Variants in NOX5 observed in about 807,000 individuals in gnomAD.
NOX5 encodes the protein NADPH oxidase, EF-hand calcium binding domain 5.
A neutral mutation model predicts 85.7 loss-of-function variants in NOX5; 76 were observed. That is an observed-to-expected ratio of 0.89 (90% CI 0.74 to 1.07). The LOEUF is 1.07. NOX5 is among the 50% of genes least tolerant of loss of function. NOX5 has a pLI of 0.00. For missense variants in NOX5, 973 were observed against 999.5 expected (o/e 0.97, Z 0.36); for synonymous variants, 405 against 401.4 (o/e 1.01, Z -0.11).
chr15:69,037,179 G>A lies in NOX5; in HGVS notation c.1340G>A (p.Cys447Tyr). 6.2e-7 allele frequency: 1 copy of A among 1,613,822 alleles called. No individual in the cohort carries two copies. Among genetic ancestry groups the A allele is most frequent in the Non-Finnish European group, 8.5e-7 (1 of 1,180,008 alleles). The change falls in exon 8 of 16, where the codon TGC becomes TAC. Residue 447 changes from cysteine (C) to tyrosine (Y), a missense_variant. Cys to Tyr is a radical substitution (Grantham distance 194, BLOSUM62 -2). Coordinates refer to ENST00000388866, the MANE Select transcript of NOX5 (RefSeq NM_024505.4). ...GLAVSRMAAVCIMEVNLLPSK... is the reference protein window; with the variant it reads ...GLAVSRMAAVYIMEVNLLPSK... ...GCAGTGTCCCGCATGGCAGCCGTGT[G>A]CATCATGGAAGTCAACCTCCTCCCC...
At position 69,033,244 on chromosome 15, in the gene NOX5, C is replaced by T; in HGVS notation, c.822C>T (p.Gly274=). The stretch of plus-strand genomic sequence containing the variant: ...GCGTCATGGTGGCCAAGGGCTGCGG[C>T]CAGTGCCTCAACTTCGACTGCAGCT... The part of the protein sequence containing the change: ...GASVMVAKGC[G]QCLNFDCSFI... The change falls in exon 5 of 16, where the codon GGC becomes GGT. Residue 274 remains glycine (G), a synonymous_variant. Transcript: ENST00000388866. 1.3e-6 allele frequency: 2 copies of T among 1,596,552 alleles called. No individual in the cohort carries two copies. Among genetic ancestry groups the T allele is most frequent in the Non-Finnish European group, 1.7e-6 (2 of 1,178,944 alleles).
chr15:69,018,152 A>G (rs2050253497), intron 1 of NOX5, among the ~76,000 whole-genome samples: 1 of 151,956 alleles, frequency 6.6e-6, no homozygotes, highest in African/African-American at 2.4e-5. Flanking sequence ...CAGGCATCCT[A>G]GGGAAACTCC....
rs1595779323 is a variant in NOX5 at position 69,035,943 on chromosome 15, C to T, written c.1188+7C>T. 1.9e-6 allele frequency: 3 copies of T among 1,613,656 alleles called. No homozygotes were observed. Among genetic ancestry groups the T allele is most frequent in the Non-Finnish European group, 2.5e-6 (3 of 1,179,718 alleles). On this transcript the variant is annotated splice_region_variant and intron_variant, in intron 7 of 15. Transcript: ENST00000388866. The stretch of plus-strand genomic sequence containing the variant: ...CAGGAGTGGCCACTTTGAGGTGCCC[C>T]AGTTGCTGCCCTTTTGCTTCCCCCA...
At chr15:69,051,980 A>G (rs1159007687) in intron 14 of NOX5, among the ~76,000 whole-genome samples, 4 of 152,100 alleles carry the variant, frequency 2.6e-5, no homozygotes, top group Admixed American at 2.6e-4. Flanking sequence ...TTGGGAGGCC[A>G]AGGTAGGAAT....
chr15:69,033,547 T>C (rs1481413601), intron 5 of NOX5, among the ~76,000 whole-genome samples: 4 of 152,090 alleles, frequency 2.6e-5, no homozygotes, highest in Admixed American at 6.5e-5. Context: ...CATTTGATCT[T>C]CACAACTCCC....
Position 69,038,885 on chromosome 15 carries a change from C to T in NOX5, c.1400C>T (p.Pro467Leu). The T allele has an allele frequency of 6.2e-7, 1 of 1,614,136 alleles. No homozygotes were observed. Among genetic ancestry groups the T allele is most frequent in the Non-Finnish European group, 8.5e-7 (1 of 1,180,020 alleles). Residue 467 changes from proline to leucine, a missense_variant, in exon 9 of 16, where the codon CCT (proline) becomes CTT (leucine). By Grantham distance (98) the Pro-to-Leu change is moderately conservative. Transcript: ENST00000388866. Reference protein sequence around the residue: ...KVTHLLIKRPPFFHYRPGDYL... With the variant: ...KVTHLLIKRPLFFHYRPGDYL... The stretch of plus-strand genomic sequence containing the variant: ...ACTCATCTCCTCATCAAGCGGCCCC[C>T]TTTTTTTCACTATAGACCTGGTGAC...
intron 1 of NOX5, 104 bp downstream of exon 1, chr15:69,014,889 G>T (rs959272317): frequency 1.2e-6 from 1 of 852,844 alleles, no homozygotes; most frequent in Non-Finnish European, 1.9e-6. Flanking sequence ...GCCTTGGGCA[G>T]AAATCAGAAG....
chr15:69,055,489 G>T lies in NOX5; in HGVS notation c.2155G>T (p.Asp719Tyr). 1 of 1,613,922 alleles carries T rather than the reference G, an allele frequency of 6.2e-7. No homozygotes were observed. Among genetic ancestry groups the T allele is most frequent in the South Asian group, 1.1e-5 (1 of 91,036 alleles). ...LQTRTQPGRP[D>Y]WSKVFQKVAA... Reference sequence around the variant, plus strand: ...GACGCGCACCCAGCCTGGGCGGCCTGACTGGAGCAAGGTAATGCCAACTGG... The same window carrying T: ...GACGCGCACCCAGCCTGGGCGGCCTTACTGGAGCAAGGTAATGCCAACTGG... The change falls in exon 15 of 16, where the codon GAC becomes TAC. Residue 719 changes from aspartate (D) to tyrosine (Y), a missense_variant. Transcript: ENST00000388866.
chr15:69,028,689 C>G (rs2050391553), intron 3 of NOX5: 1 of 195,724 alleles, frequency 5.1e-6, no homozygotes, highest in African/African-American at 2.3e-5. Flanking sequence ...AAGAAAATCT[C>G]TGTTGTTTTT....
chr15:69,057,157 A>G lies in NOX5; in HGVS notation c.*461A>G, dbSNP rs540900922. 2 of 157,790 alleles carry G rather than the reference A, an allele frequency of 1.3e-5. No homozygotes were observed. The highest frequency in any genetic ancestry group is 2.8e-5 in the Non-Finnish European group (2 of 70,980). The allele number at this position is 157,790 out of a possible 1,614,324, so 9.8% of individuals were successfully genotyped here. ...GAAGAATCATACAGTGAACAGTGTT[A>G]CCTACTTTCTAGACTCCTCAGTTAA... is the stretch of plus-strand genomic sequence containing the variant. On this transcript the variant is annotated 3_prime_UTR_variant, in exon 16 of 16. Transcript: ENST00000388866.
At chr15:69,055,281 C>G in intron 14 of NOX5, 53 bp from the exon 15 acceptor site, 1 of 1,572,722 alleles carries the variant, frequency 6.4e-7, no homozygotes, top group Non-Finnish European at 8.7e-7. Flanking sequence ...TCCTGCCCTG[C>G]GCCCATGATG....
chr15:69,043,841 A>G lies in NOX5; in HGVS notation c.1647+1036A>G, dbSNP rs1031022755. On this transcript the variant is annotated intron_variant, in intron 10 of 15. Transcript: ENST00000388866. ...CCTGGCCATATGTGTCAGCATTTTA[A>G]ATATGTATACCTACACACCCAGCAA... Among the ~76,000 whole-genome samples the G allele has an allele frequency of 3.2e-4, 49 of 152,200 alleles. 1 individual carries two copies. Among genetic ancestry groups the G allele is most frequent in the African/African-American group, 1.1e-3 (47 of 41,444 alleles).
chr15:69,025,480 T>G (rs2050346080), intron 1 of NOX5, among the ~76,000 whole-genome samples: 1 of 152,204 alleles, frequency 6.6e-6, no homozygotes, highest in Admixed American at 6.5e-5. Context: ...ATCGTCGCCT[T>G]GCTCAGCCTC....
In NOX5 at chr15:69,059,063, C is replaced by T. The variant is rs1015948411; in HGVS notation, c.*2367C>T. 4 of 152,246 alleles carry T rather than the reference C, an allele frequency of 2.6e-5. No individual in the cohort carries two copies. Among genetic ancestry groups the T allele is most frequent in the Admixed American group, 1.3e-4 (2 of 15,280 alleles). The allele number at this position is 152,246 out of a possible 1,614,324, so 9.4% of individuals were successfully genotyped here. ...CCCTGCCCTCAGTCCTTTGCCCTCT[C>T]GTAACAGATTTCCACCAGGCTCCCA... On this transcript the variant is annotated 3_prime_UTR_variant, in exon 16 of 16. Transcript: ENST00000388866.
rs955274600 is a variant in NOX5 at position 69,056,600 on chromosome 15, G to C, written c.2202G>C (p.Lys734Asn). ...AAGTGGCTGCTGAGAAGAAGGGCAA[G>C]GTGCAGGTCTTCTTCTGTGGCTCCC... ...FQKVAAEKKG[K>N]VQVFFCGSPA... The change falls in exon 16 of 16, where the codon AAG becomes AAC. Residue 734 changes from lysine (K) to asparagine (N), a missense_variant. Physicochemically the swap from Lys to Asn is moderately conservative, Grantham distance 94. Transcript: ENST00000388866. The C allele has an allele frequency of 6.2e-7, 1 of 1,613,698 alleles. No homozygotes were observed. Among genetic ancestry groups the C allele is most frequent in the Non-Finnish European group, 8.5e-7 (1 of 1,180,028 alleles).
Position 69,031,531 on chromosome 15 carries a change from G to C in NOX5, c.339G>C (p.Gln113His), listed in dbSNP as rs1174668090. ...CACTTCTTGCAGTGTGTGCACGGCA[G>C]GGGGCGTCTGCAGGTACAGAGTGGG... ...QVYDIDVCAR[Q>H]GASAGTEWGA... Residue 113 changes from glutamine to histidine, a missense_variant, in exon 4 of 16, where the codon CAG (glutamine) becomes CAC (histidine). Physicochemically the swap from Gln to His is conservative, Grantham distance 24. Transcript: ENST00000388866. The C allele has an allele frequency of 2.5e-6, 4 of 1,608,358 alleles. No homozygotes were observed. The African/African-American group carries it at 4.0e-5, about 16-fold the overall frequency.
At position 69,059,320 on chromosome 15, in the gene NOX5, C is replaced by T. The variant is rs543462689; in HGVS notation, c.*2624C>T. On this transcript the variant is annotated 3_prime_UTR_variant, in exon 16 of 16. Transcript: ENST00000388866. Reference sequence around the variant, plus strand: ...TGTTTCCCAGGAAGTGAGACTGGTCCGTGAGTGGCAGTTAATCAAAGGGAA... The same window carrying T: ...TGTTTCCCAGGAAGTGAGACTGGTCTGTGAGTGGCAGTTAATCAAAGGGAA... 10 of 152,206 alleles carry T rather than the reference C, an allele frequency of 6.6e-5. No homozygotes were observed. The highest frequency in any genetic ancestry group is 2.2e-4 in the African/African-American group (9 of 41,524). The allele number at this position is 152,206 out of a possible 1,614,324, so 9.4% of individuals were successfully genotyped here. A position where few individuals can be genotyped will look rare whatever the true frequency, so the allele number is the denominator to read the frequency against.
rs77781104 is a variant in NOX5 at position 69,015,105 on chromosome 15, A to T, written c.50+320A>T. 9.8e-3 allele frequency among the ~76,000 whole-genome samples: 1,485 copies of T among 152,232 alleles called. 16 individuals are homozygous for T. Among genetic ancestry groups the T allele is most frequent in the East Asian group, 0.042 (216 of 5,176 alleles). On this transcript the variant is annotated intron_variant, in intron 1 of 15. Coordinates refer to ENST00000388866, the MANE Select transcript of NOX5 (RefSeq NM_024505.4). ...GTCCTCATAGCCCTTTGTTGGAGAG[A>T]TGCTTGTGGGCTGGTCATTCAGCTG...
chr15:69,025,977 C>T (rs1038027157), intron 1 of NOX5, among the ~76,000 whole-genome samples: 1 of 152,146 alleles, frequency 6.6e-6, no homozygotes, highest in Non-Finnish European at 1.5e-5. Context: ...AGGGTGGAGG[C>T]TTTGGGGCAG....
Sources: allele counts gnomAD v4.1 joint callset (sites outside exome capture counted in the v4.1 genomes callset), GRCh38; gene constraint gnomAD v4.1.1; transcripts MANE v1.5; gene names NCBI Gene and HGNC (gene_info 2026-07-23, HGNC 2026-07-21).